Variants in AIG1 observed in about 807,000 individuals in gnomAD.
AIG1 encodes androgen-induced gene 1 protein.
In AIG1, 23 loss-of-function variants were observed where a neutral mutation model predicts 31.4. That is an observed-to-expected ratio of 0.73 (90% confidence interval 0.53 to 1.04). The LOEUF is 1.04. AIG1 is among the 50% of genes least tolerant of loss of function. AIG1 has a pLI of 0.00. For missense variants in AIG1, 274 were observed against 295.0 expected, an observed-to-expected ratio of 0.93 and a Z score of 0.52; for synonymous variants, 100 against 110.5, an observed-to-expected ratio of 0.90 and a Z score of 0.60.
At position 143,288,109 on chromosome 6, in the gene AIG1, T is replaced by A. The variant is rs368417308; in HGVS notation, c.515+3884T>A. The stretch of plus-strand genomic sequence containing the variant: ...ATCTTTGCTCCACCTGGTGCAGCCG[T>A]CTGGGGCTGAATCTTTTCCCGGGCT... On this transcript the variant is annotated intron_variant, in intron 4 of 5. Transcript: ENST00000357847. The surrounding 1 kb of genome is among the most constrained non-coding windows in gnomAD (Gnocchi z 4.4). 3.3e-5 allele frequency among the ~76,000 whole-genome samples: 5 copies of A among 152,258 alleles called. No individual in the cohort carries two copies. Among genetic ancestry groups the A allele is most frequent in the Admixed American group, 1.3e-4 (2 of 15,290 alleles).
intron 2 of AIG1, among the ~76,000 whole-genome samples, chr6:143,144,808 C>T (rs953415186): frequency 1.3e-5 from 2 of 152,128 alleles, no homozygotes; most frequent in Non-Finnish European, 2.9e-5. Context: ...TGTGTAGTGT[C>T]TATCTTCTCT....
intron 4 of AIG1, among the ~76,000 whole-genome samples, chr6:143,317,803 A>T (rs1775889592): frequency 6.6e-6 from 1 of 152,044 alleles, no homozygotes; most frequent in Admixed American, 6.5e-5. Flanking sequence ...AAGTTTCAGG[A>T]TACAAAATCA....
intron 2 of AIG1, among the ~76,000 whole-genome samples, chr6:143,145,762 A>G (rs1430154306): frequency 6.6e-6 from 1 of 152,236 alleles, no homozygotes; most frequent in African/African-American, 2.4e-5. Flanking sequence ...AATTTAGGGA[A>G]TAACAATATG....
At chr6:143,105,871 T>G (rs2128487107) in intron 1 of AIG1, among the ~76,000 whole-genome samples, 1 of 152,288 alleles carries the variant, frequency 6.6e-6, no homozygotes. Flanking sequence ...TGGAAATGGA[T>G]GGTAGGAATG....
chr6:143,221,270 GT>G (rs1319666322), intron 3 of AIG1, among the ~76,000 whole-genome samples: 1 of 152,116 alleles, frequency 6.6e-6, no homozygotes. Context: ...ACTATATCCA[GT>G]CCCCCCTCCA....
chr6:143,342,642 T>G, downstream of AIG1: 2 of 1,190,510 alleles, frequency 1.7e-6, no homozygotes, highest in African/African-American at 1.5e-5. Flanking sequence ...CAGAGTTATT[T>G]TGATGGCATA....
intron 3 of AIG1, among the ~76,000 whole-genome samples, chr6:143,196,350 A>AACACATGCACAC (rs1554256859): frequency 7.1e-6 from 1 of 141,636 alleles, no homozygotes; most frequent in African/African-American, 2.6e-5. Context: ...CAACAAAAGC[A>AACACATGCACAC]ACACACACAC....
intron 3 of AIG1, among the ~76,000 whole-genome samples, chr6:143,248,262 C>T (rs1180713240): frequency 6.6e-6 from 1 of 152,110 alleles, no homozygotes; most frequent in Non-Finnish European, 1.5e-5. Context: ...TAGTCATGTG[C>T]CCTAAGTATG....
intron 1 of AIG1, among the ~76,000 whole-genome samples, chr6:143,068,333 T>C (rs1776912685): frequency 6.6e-6 from 1 of 152,274 alleles, no homozygotes; most frequent in Non-Finnish European, 1.5e-5. Flanking sequence ...TGGAAAAATC[T>C]TACTGCTTAG....
At chr6:143,153,108 T>G (rs1371242435) in intron 2 of AIG1, among the ~76,000 whole-genome samples, 1 of 152,110 alleles carries the variant, frequency 6.6e-6, no homozygotes, top group East Asian at 1.9e-4. Context: ...CCATGCAAGC[T>G]GGCATTCTGG....
intron 2 of AIG1, among the ~76,000 whole-genome samples, chr6:143,163,952 C>T (rs1246292204): frequency 6.6e-6 from 1 of 152,182 alleles, no homozygotes; most frequent in African/African-American, 2.4e-5. Flanking sequence ...TCACTGCCCA[C>T]TGCCATGAAA....
chr6:143,171,403 A>C (rs1473838843), intron 3 of AIG1, among the ~76,000 whole-genome samples: 1 of 132,088 alleles, frequency 7.6e-6, no homozygotes, highest in Non-Finnish European at 1.6e-5. Flanking sequence ...AGTATTCAAT[A>C]GTGTGTGTAT....
intron 1 of AIG1, among the ~76,000 whole-genome samples, chr6:143,100,202 GT>G (rs1467367926): frequency 6.6e-6 from 1 of 152,168 alleles, no homozygotes; most frequent in African/African-American, 2.4e-5. Context: ...CAATGTCAGT[GT>G]TTCTACTCTA....
chr6:143,071,638 T>C (rs1318534841), intron 1 of AIG1, among the ~76,000 whole-genome samples: 2 of 151,280 alleles, frequency 1.3e-5, no homozygotes, highest in Admixed American at 6.6e-5. Context: ...TTTTAATTGG[T>C]GTATAGTGAT....
intron 4 of AIG1, among the ~76,000 whole-genome samples, chr6:143,287,680 T>A (rs895667370): frequency 7.4e-6 from 1 of 135,916 alleles, no homozygotes; most frequent in Non-Finnish European, 1.5e-5. Context: ...ATGTACCCCA[T>A]AGTTGGAAAG....
intron 5 of AIG1, among the ~76,000 whole-genome samples, chr6:143,336,247 A>G (rs1258255976): frequency 6.6e-6 from 1 of 152,188 alleles, no homozygotes; most frequent in Non-Finnish European, 1.5e-5. Flanking sequence ...TTAATAGCTC[A>G]ACTCTGTCTA....
intron 3 of AIG1, among the ~76,000 whole-genome samples, chr6:143,226,247 T>TA (rs59744309): frequency 0.091 from 8,007 of 87,598 alleles, 255 homozygotes; most frequent in Non-Finnish European, 0.14. Flanking sequence ...TATATATATA[T>TA]TTTTTTTTTT....
At position 143,339,705 on chromosome 6, in the gene AIG1, T is replaced by G; in HGVS notation, c.*29T>G. The G allele has an allele frequency of 6.2e-7, 1 of 1,610,820 alleles. No individual in the cohort carries two copies. The highest frequency in any genetic ancestry group is 2.2e-5 in the East Asian group (1 of 44,700). Reference sequence around the variant, plus strand: ...CCAAGTCTAAACGCAAGAGCTAGATTGAGCCGCCATTGAAGACTCCTTCCC... The same window carrying G: ...CCAAGTCTAAACGCAAGAGCTAGATGGAGCCGCCATTGAAGACTCCTTCCC... On this transcript the variant is annotated 3_prime_UTR_variant, in exon 6 of 6. Coordinates refer to ENST00000357847, the MANE Select transcript of AIG1 (RefSeq NM_016108.4).
chr6:143,102,033 C>T (rs1780325409), intron 1 of AIG1, among the ~76,000 whole-genome samples: 1 of 152,140 alleles, frequency 6.6e-6, no homozygotes, highest in Admixed American at 6.5e-5. Context: ...CTATGCTATT[C>T]AGTCTCCTAC....
Sources: allele counts gnomAD v4.1 joint callset (sites outside exome capture counted in the v4.1 genomes callset), GRCh38; gene constraint gnomAD v4.1.1; non-coding constraint Gnocchi (gnomAD v3.1); transcripts MANE v1.5; gene names NCBI Gene and HGNC (gene_info 2026-07-23, HGNC 2026-07-21).